PCDH9: variants seen among roughly 807,000 people sequenced by gnomAD.
PCDH9 encodes the protein protocadherin-9.
PCDH9 carries 24 observed loss-of-function variants against 70.6 expected under a neutral mutation model. The ratio of observed to expected loss-of-function variants is 0.34; its 90% CI spans 0.25 to 0.48. PCDH9 has a LOEUF of 0.48. Ranked by LOEUF, PCDH9 falls within the 20% of genes least tolerant of loss-of-function variation. PCDH9 has a pLI of 0.99. For missense variants in PCDH9, 1,281 were observed against 1,503.6 expected, an observed-to-expected ratio of 0.85 and a Z score of 2.45; for synonymous variants, 562 against 558.5, an observed-to-expected ratio of 1.01 and a Z score of -0.09.
intron 4 of PCDH9, among the ~76,000 whole-genome samples, chr13:66,596,866 A>G (rs1457313121): frequency 3.3e-4 from 50 of 150,476 alleles, no homozygotes. Context: ...CTGTAGCAGA[A>G]CATGGCTATT....
At chr13:67,133,170 A>G (rs936874290) in intron 2 of PCDH9, among the ~76,000 whole-genome samples, 1 of 152,112 alleles carries the variant, frequency 6.6e-6, no homozygotes, top group Non-Finnish European at 1.5e-5. Flanking sequence ...AACATAAAAT[A>G]TAAAATAAAT....
At chr13:66,411,457 AT>A (rs1335522291) in intron 4 of PCDH9, among the ~76,000 whole-genome samples, 1 of 151,786 alleles carries the variant, frequency 6.6e-6, no homozygotes, top group Non-Finnish European at 1.5e-5. Context: ...CAGCTAATTA[AT>A]TTTTTTTCTT....
Position 66,770,589 on chromosome 13 carries a change from G to A in PCDH9, c.3138+132915C>T, listed in dbSNP as rs575810405. Among the ~76,000 whole-genome samples the A allele has an allele frequency of 3.9e-5, 6 of 152,264 alleles. No homozygotes were observed. In the South Asian group the frequency reaches 1.2e-3, roughly 32 times the overall value. On this transcript the variant is annotated intron_variant, in intron 3 of 4. Transcript: ENST00000377865. ...CTTTTTCGGAGGGTCCAGCTAATGGGTCATCAACAAGTGATCAGTGGTGGG... is the reference window on the plus strand; with the variant it reads ...CTTTTTCGGAGGGTCCAGCTAATGGATCATCAACAAGTGATCAGTGGTGGG...
intron 2 of PCDH9, among the ~76,000 whole-genome samples, chr13:67,200,318 C>T (rs12585446): frequency 1.3e-5 from 2 of 151,960 alleles, no homozygotes; most frequent in Non-Finnish European, 2.9e-5. Context: ...AAATGCATCC[C>T]TACACAGCAG....
intron 4 of PCDH9, among the ~76,000 whole-genome samples, chr13:66,564,133 A>G (rs1490427533): frequency 2.0e-5 from 3 of 152,130 alleles, no homozygotes; most frequent in Non-Finnish European, 4.4e-5. Flanking sequence ...AGCAACAAGG[A>G]CATTGACCAC....
chr13:66,828,808 T>TAAAAAAAAAAAA (rs1481233258), intron 3 of PCDH9, among the ~76,000 whole-genome samples: 2 of 120,470 alleles, frequency 1.7e-5, no homozygotes, highest in African/African-American at 5.6e-5. Flanking sequence ...AAGCCATACA[T>TAAAAAAAAAAAA]AAAATAATAA....
intron 4 of PCDH9, among the ~76,000 whole-genome samples, chr13:66,401,267 G>A (rs1555289198): frequency 1.3e-5 from 2 of 152,092 alleles, no homozygotes; most frequent in African/African-American, 2.4e-5. Context: ...CTCGTGGGAG[G>A]TGATTAGATC....
At position 66,736,691 on chromosome 13, in the gene PCDH9, T is replaced by G. The variant is rs541026729; in HGVS notation, c.3139-105280A>C. On this transcript the variant is annotated intron_variant, in intron 3 of 4. Coordinates refer to ENST00000377865, the MANE Select transcript of PCDH9 (RefSeq NM_203487.3). ...AACTGGTCATTGCAACATTTTTAAA[T>G]GTCCTCAAGCATGGATTTCATAATA... Among the ~76,000 whole-genome samples the G allele has an allele frequency of 7.9e-5, 12 of 152,354 alleles. No individual in the cohort carries two copies. The South Asian group carries it at 2.3e-3, about 29-fold the overall frequency.
At chr13:66,711,054 C>T (rs1376483697) in intron 3 of PCDH9, among the ~76,000 whole-genome samples, 1 of 152,010 alleles carries the variant, frequency 6.6e-6, no homozygotes, top group African/African-American at 2.4e-5. Context: ...TGTAGTTCTT[C>T]GGATAGGGAA....
At chr13:66,522,308 T>C (rs17505147) in intron 4 of PCDH9, among the ~76,000 whole-genome samples, 9,244 of 151,920 alleles carry the variant, frequency 0.061, 354 homozygotes, top group Non-Finnish European at 0.084. Flanking sequence ...AAAAATTACA[T>C]TGTCGTATGG....
At position 67,216,426 on chromosome 13, in the gene PCDH9, T is replaced by C. The variant is rs566808474; in HGVS notation, c.3036+8979A>G. 5.9e-5 allele frequency: 9 copies of C among 152,018 alleles called. No individual in the cohort carries two copies. The South Asian group carries it at 1.9e-3, about 32-fold the overall frequency. 9.4% of individuals were successfully genotyped at this position (152,018 alleles called of 1,614,324 possible). A position where few individuals can be genotyped will look rare whatever the true frequency, so the allele number is the denominator to read the frequency against. ...TAAGGCAAAAAATGATGATTTTGTA[T>C]AAATTCTACCATCTCTTTTATGTTG... On this transcript the variant is annotated intron_variant, in intron 2 of 4. Coordinates refer to ENST00000377865, the MANE Select transcript of PCDH9 (RefSeq NM_203487.3).
In PCDH9 at chr13:66,649,954, C is replaced by A. The variant is rs9540853; in HGVS notation, c.3139-18543G>T. On this transcript the variant is annotated intron_variant, in intron 3 of 4. Transcript: ENST00000377865. ...TATTATTTGGAAGCCTCATAGTAACCTCAAATTAAAAAAAAAACACAAACA... is the reference window on the plus strand; with the variant it reads ...TATTATTTGGAAGCCTCATAGTAACATCAAATTAAAAAAAAAACACAAACA... 4.0e-5 allele frequency among the ~76,000 whole-genome samples: 6 copies of A among 149,448 alleles called. No individual in the cohort carries two copies. The South Asian group carries it at 1.1e-3, about 26-fold the overall frequency.
At chr13:66,431,002 A>C (rs1957761657) in intron 4 of PCDH9, among the ~76,000 whole-genome samples, 1 of 152,084 alleles carries the variant, frequency 6.6e-6, no homozygotes, top group African/African-American at 2.4e-5. Flanking sequence ...TCAGTGCATT[A>C]AATCTCTTTG....
intron 2 of PCDH9, among the ~76,000 whole-genome samples, chr13:66,942,281 G>A (rs549133077): frequency 6.6e-6 from 1 of 151,466 alleles, no homozygotes; most frequent in East Asian, 1.9e-4. Flanking sequence ...CAAAATCACT[G>A]GTAATAACCA....
intron 2 of PCDH9, among the ~76,000 whole-genome samples, chr13:67,070,724 C>T (rs2085745302): frequency 6.6e-6 from 1 of 152,068 alleles, no homozygotes; most frequent in Non-Finnish European, 1.5e-5. Context: ...CTCCTTTTTA[C>T]AAAAAATCAC....
intron 4 of PCDH9, among the ~76,000 whole-genome samples, chr13:66,584,780 G>A (rs945806045): frequency 2.2e-4 from 34 of 152,050 alleles, no homozygotes; most frequent in African/African-American, 6.8e-4. Context: ...TATAGTTACT[G>A]GCCTGTAGAG....
chr13:67,015,211 C>A (rs948872452), intron 2 of PCDH9, among the ~76,000 whole-genome samples: 5 of 152,038 alleles, frequency 3.3e-5, no homozygotes, highest in Non-Finnish European at 7.4e-5. Flanking sequence ...GGGCCTCACT[C>A]TCTTGTGTTA....
In PCDH9 at chr13:66,765,047, T is replaced by G. The variant is rs192069786; in HGVS notation, c.3139-133636A>C. Among the ~76,000 whole-genome samples, 6 of 149,884 alleles carry G rather than the reference T, an allele frequency of 4.0e-5. No homozygotes were observed. In the South Asian group the frequency reaches 1.3e-3, roughly 32 times the overall value. ...CTTTCGCTCTCTCTCTTTCTGTGTC[T>G]TTGTCTCTCTCTGTCTGTCTCTGCC... On this transcript the variant is annotated intron_variant, in intron 3 of 4. Coordinates refer to ENST00000377865, the MANE Select transcript of PCDH9 (RefSeq NM_203487.3).
At chr13:66,983,625 G>GAT (rs2083823182) in intron 2 of PCDH9, among the ~76,000 whole-genome samples, 1 of 152,152 alleles carries the variant, frequency 6.6e-6, no homozygotes, top group Non-Finnish European at 1.5e-5. Flanking sequence ...ACACAAGTAT[G>GAT]TGTGTGCTCT....
Sources: allele counts gnomAD v4.1 joint callset (sites outside exome capture counted in the v4.1 genomes callset), GRCh38; gene constraint gnomAD v4.1.1; transcripts MANE v1.5; gene names NCBI Gene and HGNC (gene_info 2026-07-23, HGNC 2026-07-21).